Variants in MEAK7 observed in about 807,000 individuals in gnomAD.
MEAK7 encodes the protein MTOR associated protein MEAK7.
In MEAK7, 68 loss-of-function variants were observed where a neutral mutation model predicts 40.5. The observed-to-expected ratio is 1.68, with a 90% confidence interval of 1.38 to 2.06. MEAK7 has a LOEUF of 2.06. Ranked by LOEUF, MEAK7 falls within the 30% of genes most tolerant of loss-of-function variation. The probability of loss-of-function intolerance (pLI) is 0.00; values close to 1 mark genes in which losing one functional copy is unlikely to be tolerated. For synonymous variants in MEAK7, 338 were observed against 231.9 expected, an observed-to-expected ratio of 1.46 and a Z score of -4.16; for missense variants, 918 against 580.5, an observed-to-expected ratio of 1.58 and a Z score of -5.98.
At chr16:84,483,025 G>C (rs1326668343) in intron 5 of MEAK7, among the ~76,000 whole-genome samples, 1 of 152,242 alleles carries the variant, frequency 6.6e-6, no homozygotes, top group African/African-American at 2.4e-5. Flanking sequence ...GAGCCAGAAA[G>C]AGCAGGCTTC....
chr16:84,487,329 T>C (rs1049936272), intron 4 of MEAK7: 2 of 395,854 alleles, frequency 5.1e-6, no homozygotes, highest in African/African-American at 4.1e-5. Context: ...AGAATCAGTT[T>C]TCCCCTGTTT....
chr16:84,490,546 G>T (rs1913495426), intron 3 of MEAK7, among the ~76,000 whole-genome samples: 1 of 137,090 alleles, frequency 7.3e-6, no homozygotes, highest in Non-Finnish European at 1.5e-5. Context: ...TGTTACTTTT[G>T]AAATACCAGT....
intron 4 of MEAK7, chr16:84,488,570 G>A (rs1431386895): frequency 1.3e-5 from 2 of 151,996 alleles, no homozygotes; most frequent in African/African-American, 4.8e-5. Context: ...AATTTTAAAG[G>A]ATTCAAATAA....
intron 3 of MEAK7, among the ~76,000 whole-genome samples, chr16:84,494,384 T>G (rs1318516911): frequency 6.6e-6 from 1 of 152,232 alleles, no homozygotes; most frequent in Non-Finnish European, 1.5e-5. Flanking sequence ...AATTTTTTCC[T>G]GGCTACAAGT....
intron 4 of MEAK7, chr16:84,488,472 CCAA>C (rs1913285888): frequency 6.6e-6 from 1 of 151,888 alleles, no homozygotes; most frequent in Non-Finnish European, 1.5e-5. Context: ...TGCTTCTCAC[CCAA>C]CAACAGAATA....
At position 84,480,570 on chromosome 16, in the gene MEAK7, T is replaced by C; in HGVS notation, c.1216A>G (p.Met406Val). The change falls in exon 7 of 8, where the codon ATG (methionine) becomes GTG (valine). Residue 406 changes from methionine (M) to valine (V), a missense_variant. Met to Val is a conservative substitution (Grantham distance 21, BLOSUM62 1). Coordinates refer to ENST00000343629, the MANE Select transcript of MEAK7 (RefSeq NM_020947.4). Reference protein sequence around the residue: ...SAQENFQFDKMEVWAVGDPSE... With the variant: ...SAQENFQFDKVEVWAVGDPSE... ...GGGTCTCCAACCGCCCACACCTCCATCTTATCAAACTGGAAGTTCTCCTGA... is the reference window on the plus strand; with the variant it reads ...GGGTCTCCAACCGCCCACACCTCCACCTTATCAAACTGGAAGTTCTCCTGA... The C allele has an allele frequency of 6.2e-7, 1 of 1,613,838 alleles. No individual in the cohort carries two copies. The highest frequency in any genetic ancestry group is 8.5e-7 in the Non-Finnish European group (1 of 1,179,880).
chr16:84,501,105 G>GAAA (rs35447624), intron 1 of MEAK7, among the ~76,000 whole-genome samples: 7 of 103,630 alleles, frequency 6.8e-5, no homozygotes, highest in South Asian at 3.1e-4. Flanking sequence ...AAAAAAAAAA[G>GAAA]AAAAAAAAAA....
Position 84,478,805 on chromosome 16 carries a change from C to T in MEAK7, c.*1108G>A, listed in dbSNP as rs182538431. 6.6e-6 allele frequency: 1 copy of T among 152,276 alleles called. No homozygotes were observed. Among genetic ancestry groups the T allele is most frequent in the African/African-American group, 2.4e-5 (1 of 41,448 alleles). The allele number at this position is 152,276 out of a possible 1,614,324, so 9.4% of individuals were successfully genotyped here. Reference sequence around the variant, plus strand: ...TGCACTGACAGCTGTGACTCAGGCACTGGTTCCCAGAGATCTAGAACCCAG... The same window carrying T: ...TGCACTGACAGCTGTGACTCAGGCATTGGTTCCCAGAGATCTAGAACCCAG... On this transcript the variant is annotated 3_prime_UTR_variant, in exon 8 of 8. Coordinates refer to ENST00000343629, the MANE Select transcript of MEAK7 (RefSeq NM_020947.4).
At position 84,480,599 on chromosome 16, in the gene MEAK7, G is replaced by A. The variant is rs113834725; in HGVS notation, c.1187C>T (p.Ser396Leu). 6.4e-4 allele frequency: 1,026 copies of A among 1,614,034 alleles called. 1 individual carries two copies. Among genetic ancestry groups the A allele is most frequent in the Non-Finnish European group, 8.1e-4 (953 of 1,179,956 alleles). Reference sequence around the variant, plus strand: ...ATCAAACTGGAAGTTCTCCTGAGCCGACAGCTGCGGGCTGTTGTACGTGGT... The same window carrying A: ...ATCAAACTGGAAGTTCTCCTGAGCCAACAGCTGCGGGCTGTTGTACGTGGT... ...TCTTYNSPQLSAQENFQFDKM... is the reference protein window; with the variant it reads ...TCTTYNSPQLLAQENFQFDKM... Residue 396 changes from serine to leucine, a missense_variant, in exon 7 of 8, where the codon TCG (serine) becomes TTG (leucine). Physicochemically the swap from Ser to Leu is moderately radical, Grantham distance 145. Coordinates refer to ENST00000343629, the MANE Select transcript of MEAK7 (RefSeq NM_020947.4).
At chr16:84,487,174 G>C (rs378384) in intron 4 of MEAK7, 115 bp from the exon 5 acceptor site, 1,000,910 of 1,005,942 alleles carry the variant, frequency 0.99, 498,032 homozygotes, top group East Asian at 1. Context: ...ACTGAGCACA[G>C]AAAACAGGGC....
At chr16:84,497,052 T>C (rs925405534) in intron 2 of MEAK7, 1 of 159,358 alleles carries the variant, frequency 6.3e-6, no homozygotes, top group Non-Finnish European at 1.4e-5. Context: ...TTTTGGTTTT[T>C]TGTTTGTTTG....
intron 3 of MEAK7, chr16:84,494,689 G>T (rs2150641754): frequency 1.8e-5 from 7 of 384,876 alleles, no homozygotes; most frequent in Non-Finnish European, 3.0e-5. Flanking sequence ...TTTCTTCACG[G>T]GACATGAGAC....
rs368018304 is a variant in MEAK7 at position 84,486,774 on chromosome 16, G to C, written c.815C>G (p.Ser272Cys). The C allele has an allele frequency of 1.9e-6, 3 of 1,613,924 alleles. No individual in the cohort carries two copies. The highest frequency in any genetic ancestry group is 2.5e-6 in the Non-Finnish European group (3 of 1,179,920). The change falls in exon 5 of 8, where the codon TCT becomes TGT. Residue 272 changes from serine to cysteine, a missense_variant. Transcript: ENST00000343629. ...QRHRWCLLFS[S>C]ELHGHSFSQL... Reference sequence around the variant, plus strand: ...GGAGAAGCTGTGTCCATGGAGCTCAGACGAAAAGAGCAGGCACCAGCGGTG... The same window carrying C: ...GGAGAAGCTGTGTCCATGGAGCTCACACGAAAAGAGCAGGCACCAGCGGTG...
In MEAK7 at chr16:84,477,924, T is replaced by A. The variant is rs930782674; in HGVS notation, c.*1989A>T. On this transcript the variant is annotated 3_prime_UTR_variant, in exon 8 of 8. Transcript: ENST00000343629. ...CCTGGAAGCAGGTGCATTCGTGATC[T>A]GCACTCTCCTTAGAACAAGCTCAGG... 6.6e-6 allele frequency: 1 copy of A among 152,158 alleles called. No homozygotes were observed. The highest frequency in any genetic ancestry group is 2.4e-5 in the African/African-American group (1 of 41,414). The allele number at this position is 152,158 out of a possible 1,614,324, so 9.4% of individuals were successfully genotyped here. A position where few individuals can be genotyped will look rare whatever the true frequency, so the allele number is the denominator to read the frequency against.
rs1912112502 is a variant in MEAK7 at position 84,476,374 on chromosome 16, T to C, written c.*3539A>G. On this transcript the variant is annotated 3_prime_UTR_variant, in exon 8 of 8. Coordinates refer to ENST00000343629, the MANE Select transcript of MEAK7 (RefSeq NM_020947.4). ...TGTCTATCAGGTTAAAAAAACATAT[T>C]TTAATACAGTTTTGCTGAAAACATG... 1 of 152,168 alleles carries C rather than the reference T, an allele frequency of 6.6e-6. No individual in the cohort carries two copies. The allele number at this position is 152,168 out of a possible 1,614,324, so 9.4% of individuals were successfully genotyped here.
intron 3 of MEAK7, among the ~76,000 whole-genome samples, chr16:84,491,574 C>A (rs1303921030): frequency 4.8e-5 from 7 of 145,042 alleles, no homozygotes; most frequent in African/African-American, 1.5e-4. Flanking sequence ...CACGGTGACT[C>A]ACGCCTATAA....
At chr16:84,497,646 T>C (rs568850048) in intron 2 of MEAK7, 15 of 1,409,088 alleles carry the variant, frequency 1.1e-5, no homozygotes, top group African/African-American at 1.4e-5. Context: ...CCAGGTTCCT[T>C]TCTGTAGTAC....
chr16:84,487,183 G>T (rs1396617247), intron 4 of MEAK7, 124 bp from the exon 5 acceptor site: 2 of 923,338 alleles, frequency 2.2e-6, no homozygotes, highest in Non-Finnish European at 3.1e-6. Context: ...AGAAAACAGG[G>T]CTCGTGTGAA....
chr16:84,501,258 A>G lies in MEAK7; in HGVS notation c.-25-3147T>C, dbSNP rs2150650856. 2.0e-5 allele frequency among the ~76,000 whole-genome samples: 3 copies of G among 152,244 alleles called. No homozygotes were observed. In the South Asian group the frequency reaches 6.2e-4, roughly 32 times the overall value. On this transcript the variant is annotated intron_variant, in intron 1 of 7. Coordinates refer to ENST00000343629, the MANE Select transcript of MEAK7 (RefSeq NM_020947.4). ...GAGACTCACAGGTGATTCACCAGGA[A>G]GTGGGAACAGCACGCACGGGGCATA...
Sources: allele counts gnomAD v4.1 joint callset (sites outside exome capture counted in the v4.1 genomes callset), GRCh38; gene constraint gnomAD v4.1.1; transcripts MANE v1.5; gene names NCBI Gene and HGNC (gene_info 2026-07-23, HGNC 2026-07-21).